PTPRD: variants seen among roughly 807,000 people sequenced by gnomAD.
The protein encoded by PTPRD is receptor-type tyrosine-protein phosphatase delta.
PTPRD carries 34 observed loss-of-function variants against 214.5 expected under a neutral mutation model. The observed-to-expected ratio is 0.16, with a 90% CI of 0.12 to 0.21. The LOEUF (loss-of-function observed/expected upper bound fraction) is 0.21. Among genes scored for constraint, PTPRD ranks in the 10% least tolerant of loss-of-function variants. The pLI, the probability that PTPRD is intolerant of heterozygous loss-of-function variation, is 1.00. For missense variants in PTPRD, 2,545 were observed against 2,398.7 expected, an observed-to-expected ratio of 1.06 and a Z score of -1.27; for synonymous variants, 1,128 against 845.7, an observed-to-expected ratio of 1.33 and a Z score of -5.79.
intron 11 of PTPRD, among the ~76,000 whole-genome samples, chr9:8,748,849 G>T (rs1048086949): frequency 2.6e-5 from 4 of 152,080 alleles, no homozygotes; most frequent in African/African-American, 9.7e-5. Flanking sequence ...AGCGGGGGTT[G>T]TGGTAAGCCA....
intron 8 of PTPRD, among the ~76,000 whole-genome samples, chr9:9,476,139 C>T (rs2095023869): frequency 6.6e-6 from 1 of 152,106 alleles, no homozygotes; most frequent in Admixed American, 6.6e-5. Flanking sequence ...ATATGTCTGC[C>T]TCAATGTTGC....
intron 3 of PTPRD, among the ~76,000 whole-genome samples, chr9:10,101,510 C>A (rs1027684193): frequency 6.6e-5 from 10 of 151,600 alleles, no homozygotes; most frequent in Non-Finnish European, 1.5e-4. Context: ...TGCCACTGGA[C>A]ATGAGGAGCC....
At chr9:9,018,311 T>C (rs1453646330) in intron 11 of PTPRD, among the ~76,000 whole-genome samples, 3 of 152,152 alleles carry the variant, frequency 2.0e-5, no homozygotes, top group Admixed American at 6.6e-5. Context: ...ACTCCATTGA[T>C]AGGCTAGAGG....
intron 12 of PTPRD, among the ~76,000 whole-genome samples, chr9:8,666,659 A>T (rs2097176339): frequency 6.6e-6 from 1 of 152,238 alleles, no homozygotes; most frequent in African/African-American, 2.4e-5. Context: ...GCAAACTTCT[A>T]GGTGACTCAT....
At chr9:9,437,540 G>A (rs1038450718) in intron 8 of PTPRD, among the ~76,000 whole-genome samples, 3 of 152,074 alleles carry the variant, frequency 2.0e-5, no homozygotes, top group Admixed American at 1.3e-4. Context: ...TTATCTGGCA[G>A]ATTTTTCTGT....
In PTPRD at chr9:10,208,297, G is replaced by A. The variant is rs537840389; in HGVS notation, c.-545+132666C>T. On this transcript the variant is annotated intron_variant, in intron 3 of 45. Coordinates refer to ENST00000381196, the MANE Select transcript of PTPRD (RefSeq NM_002839.4). ...TGGGTGGCCGAGGAGGGCGGATCAC[G>A]AGGTCAGGAGATCGACGCCATCCTG... 4.1e-3 allele frequency among the ~76,000 whole-genome samples: 623 copies of A among 152,252 alleles called. 2 individuals are homozygous for A. The highest frequency in any genetic ancestry group is 0.013 in the African/African-American group (524 of 41,526).
At chr9:8,620,729 T>C (rs942316352) in intron 14 of PTPRD, among the ~76,000 whole-genome samples, 8 of 151,814 alleles carry the variant, frequency 5.3e-5, no homozygotes, top group African/African-American at 1.7e-4. Context: ...AGGAAAAAAA[T>C]AGTACCAAGA....
At chr9:10,059,663 G>C (rs2097721684) in intron 3 of PTPRD, among the ~76,000 whole-genome samples, 1 of 151,496 alleles carries the variant, frequency 6.6e-6, no homozygotes, top group Non-Finnish European at 1.5e-5. Context: ...TTTAGCTATA[G>C]ATACAAAATT....
chr9:10,007,084 T>A (rs2096494389), intron 4 of PTPRD, among the ~76,000 whole-genome samples: 1 of 152,008 alleles, frequency 6.6e-6, no homozygotes, highest in Non-Finnish European at 1.5e-5. Flanking sequence ...AGTGTTTGTC[T>A]CTGTTTTTAA....
chr9:8,767,240 C>T (rs1211148423), intron 11 of PTPRD, among the ~76,000 whole-genome samples: 1 of 152,106 alleles, frequency 6.6e-6, no homozygotes, highest in African/African-American at 2.4e-5. Context: ...GCCTCAGCCT[C>T]CCGAGTAGCT....
intron 7 of PTPRD, among the ~76,000 whole-genome samples, chr9:9,654,709 AAC>A (rs1169641272): frequency 6.6e-6 from 1 of 152,222 alleles, no homozygotes; most frequent in East Asian, 1.9e-4. Context: ...TAGAAGGAGT[AAC>A]AGTGTCAAAA....
At chr9:10,574,583 T>C (rs2132105394) in intron 2 of PTPRD, among the ~76,000 whole-genome samples, 1 of 152,160 alleles carries the variant, frequency 6.6e-6, no homozygotes, top group Non-Finnish European at 1.5e-5. Context: ...GGAAAGTTTA[T>C]GATTCAAATA....
chr9:8,951,138 A>AGAGTGTGTGTGTGT (rs1555583270), intron 11 of PTPRD, among the ~76,000 whole-genome samples: 2 of 147,124 alleles, frequency 1.4e-5, no homozygotes, highest in East Asian at 4.0e-4. Context: ...TAGGAAAAAG[A>AGAGTGTGTGTGTGT]GTGTGTGTGT....
chr9:8,361,981 G>A (rs1027354967), intron 39 of PTPRD, among the ~76,000 whole-genome samples: 1 of 152,212 alleles, frequency 6.6e-6, no homozygotes. Flanking sequence ...ATATGGTGAA[G>A]CTTTAGCAGA....
chr9:8,893,407 G>C (rs1158230180), intron 11 of PTPRD, among the ~76,000 whole-genome samples: 1 of 152,170 alleles, frequency 6.6e-6, no homozygotes, highest in African/African-American at 2.4e-5. Context: ...AAGGCTTGTA[G>C]AGAAACAGAA....
intron 4 of PTPRD, among the ~76,000 whole-genome samples, chr9:9,957,013 C>G (rs1368098588): frequency 6.6e-6 from 1 of 152,042 alleles, no homozygotes; most frequent in Non-Finnish European, 1.5e-5. Context: ...CTATTGGGCT[C>G]AAGTTAAGTT....
chr9:9,025,126 C>T (rs2154372457), intron 10 of PTPRD, among the ~76,000 whole-genome samples: 1 of 151,996 alleles, frequency 6.6e-6, no homozygotes, highest in Admixed American at 6.6e-5. Flanking sequence ...TTTACTTTTT[C>T]CCTTGAAAGT....
At chr9:10,339,199 T>A (rs777239313) in intron 3 of PTPRD, among the ~76,000 whole-genome samples, 1 of 151,726 alleles carries the variant, frequency 6.6e-6, no homozygotes, top group Non-Finnish European at 1.5e-5. Context: ...CATCTAACAT[T>A]AGGGCAGAAA....
intron 2 of PTPRD, among the ~76,000 whole-genome samples, chr9:10,493,327 C>A (rs1346661208): frequency 6.6e-6 from 1 of 152,124 alleles, no homozygotes. Flanking sequence ...CTGGAGGCAT[C>A]ACCCTACCTG....
Sources: allele counts gnomAD v4.1 joint callset (sites outside exome capture counted in the v4.1 genomes callset), GRCh38; gene constraint gnomAD v4.1.1; transcripts MANE v1.5; gene names NCBI Gene and HGNC (gene_info 2026-07-23, HGNC 2026-07-21).